Variants in WWTR1 observed in about 807,000 individuals in gnomAD.
WWTR1 encodes the protein WW domain containing transcription regulator 1.
Under a neutral mutation model 40.1 loss-of-function variants are expected in WWTR1, and 13 were observed. The ratio of observed to expected loss-of-function variants is 0.32; its 90% CI spans 0.21 to 0.52. The LOEUF (loss-of-function observed/expected upper bound fraction) is 0.52, where lower values mean the gene tolerates loss of function less well. Ranked by LOEUF, WWTR1 falls within the 20% of genes least tolerant of loss-of-function variation. The pLI is 0.97. For missense variants in WWTR1, 436 were observed against 523.1 expected (o/e 0.83, Z 1.63); for synonymous variants, 230 against 210.1 (o/e 1.09, Z -0.82).
intron 2 of WWTR1, among the ~76,000 whole-genome samples, chr3:149,589,986 T>G (rs1256807492): frequency 6.6e-6 from 1 of 152,216 alleles, no homozygotes; most frequent in Admixed American, 6.5e-5. Context: ...TAGAGAATGC[T>G]GTCACATTCT....
chr3:149,624,417 G>A (rs1156953031), intron 2 of WWTR1, among the ~76,000 whole-genome samples: 7 of 152,182 alleles, frequency 4.6e-5, no homozygotes, highest in Non-Finnish European at 1.0e-4. Flanking sequence ...GCTAGTGTGA[G>A]CTAGACCTCT....
intron 2 of WWTR1, 30 bp from the exon 3 acceptor site, chr3:149,573,030 T>A (rs763217811): frequency 6.4e-7 from 1 of 1,566,814 alleles, no homozygotes. Flanking sequence ...TAATTATCTT[T>A]TTAATTGTCA....
chr3:149,654,308 T>C (rs1441306850), intron 2 of WWTR1, among the ~76,000 whole-genome samples: 1 of 152,176 alleles, frequency 6.6e-6, no homozygotes, highest in Admixed American at 6.5e-5. Flanking sequence ...ATTTACCTAA[T>C]TCCAACTTTA....
Position 149,520,861 on chromosome 3 carries a change from A to G in WWTR1, c.1147T>C (p.Phe383Leu). 4 of 1,613,468 alleles carry G rather than the reference A, an allele frequency of 2.5e-6. No individual in the cohort carries two copies. The highest frequency in any genetic ancestry group is 2.5e-6 in the Non-Finnish European group (3 of 1,179,802). ...TLESEDLIPLFNDVESALNKS... is the reference protein window; with the variant it reads ...TLESEDLIPLLNDVESALNKS... ...TTCAGAGCAGACTCTACATCATTGA[A>G]GAGGGGGATCAGGTCTTCAGATTCC... is the stretch of plus-strand genomic sequence containing the variant. The change falls in exon 7 of 7, where the codon TTC becomes CTC. Residue 383 changes from phenylalanine (F) to leucine (L), a missense_variant. Phe to Leu is a conservative substitution (Grantham distance 22, BLOSUM62 0). Coordinates refer to ENST00000360632, the MANE Select transcript of WWTR1 (RefSeq NM_015472.6).
intron 1 of WWTR1, among the ~76,000 whole-genome samples, chr3:149,680,673 A>G (rs1409033254): frequency 6.6e-6 from 1 of 152,080 alleles, no homozygotes; most frequent in Non-Finnish European, 1.5e-5. Context: ...ATTTCTAAAA[A>G]AAAAAAAATG....
At chr3:149,576,530 C>T (rs1737888782) in intron 2 of WWTR1, among the ~76,000 whole-genome samples, 1 of 152,148 alleles carries the variant, frequency 6.6e-6, no homozygotes, top group Admixed American at 6.5e-5. Context: ...GGCTTCACTC[C>T]CTTGCTTAGT....
exon 4 of WWTR1, chr3:149,724,090 T>C (rs1169446725): frequency 6.6e-6 from 1 of 152,196 alleles, no homozygotes; most frequent in African/African-American, 2.4e-5. Flanking sequence ...ATTAGACAGA[T>C]TCTACTGGTA....
At chr3:149,643,568 G>A (rs936162246) in intron 2 of WWTR1, among the ~76,000 whole-genome samples, 3 of 152,122 alleles carry the variant, frequency 2.0e-5, no homozygotes, top group African/African-American at 4.8e-5. Context: ...GTGGTATACG[G>A]CAATAAAGTG....
intron 2 of WWTR1, among the ~76,000 whole-genome samples, chr3:149,652,142 C>G (rs1274335836): frequency 2.0e-5 from 3 of 151,640 alleles, no homozygotes; most frequent in African/African-American, 7.3e-5. Flanking sequence ...TGCGCCCGGC[C>G]TTATGGATTT....
intron 4 of WWTR1, among the ~76,000 whole-genome samples, chr3:149,721,137 T>A (rs188340182): frequency 6.6e-6 from 1 of 152,342 alleles, no homozygotes; most frequent in East Asian, 1.9e-4. Context: ...TGTCTAGCAT[T>A]TCCAATGCTA....
chr3:149,718,199 C>T (rs116000812), intron 4 of WWTR1, among the ~76,000 whole-genome samples: 1 of 152,136 alleles, frequency 6.6e-6, no homozygotes. Context: ...TGTGACCTTA[C>T]GTTCTTTTTT....
chr3:149,559,429 GTAGATAGA>G (rs928506749), intron 3 of WWTR1, among the ~76,000 whole-genome samples: 3 of 151,980 alleles, frequency 2.0e-5, no homozygotes, highest in East Asian at 1.9e-4. Context: ...AAAAAAATAT[GTAGATAGA>G]TAGATAGATG....
At chr3:149,701,444 C>G (rs186117704) in intron 1 of WWTR1, among the ~76,000 whole-genome samples, 6 of 152,190 alleles carry the variant, frequency 3.9e-5, no homozygotes. Flanking sequence ...CTGGGCTGGA[C>G]TTCCCATTCT....
chr3:149,555,456 T>C (rs1736784012), intron 3 of WWTR1, among the ~76,000 whole-genome samples: 1 of 150,348 alleles, frequency 6.7e-6, no homozygotes, highest in Non-Finnish European at 1.5e-5. Flanking sequence ...GTGGTTTAGG[T>C]GCTTTGCATT....
intron 1 of WWTR1, among the ~76,000 whole-genome samples, chr3:149,676,494 G>C (rs993478873): frequency 2.6e-5 from 4 of 151,996 alleles, no homozygotes; most frequent in African/African-American, 9.7e-5. Context: ...AATCCTTTAG[G>C]GTAGATGACC....
intron 2 of WWTR1, among the ~76,000 whole-genome samples, chr3:149,584,328 T>C (rs1030882952): frequency 6.6e-6 from 1 of 152,220 alleles, no homozygotes; most frequent in African/African-American, 2.4e-5. Flanking sequence ...TGTGAAGAGA[T>C]TTAATTCCTT....
chr3:149,648,936 A>T (rs1712685495), intron 2 of WWTR1: 2 of 152,178 alleles, frequency 1.3e-5, no homozygotes, highest in Admixed American at 1.3e-4. Context: ...TTCTTCTTTT[A>T]GGACATACTC....
At chr3:149,532,283 AC>A (rs1735619623) in intron 4 of WWTR1, among the ~76,000 whole-genome samples, 2 of 152,240 alleles carry the variant, frequency 1.3e-5, no homozygotes, top group South Asian at 4.1e-4. Context: ...CTCAAAAAAA[AC>A]AAAATAAACA....
At chr3:149,630,851 T>G (rs1180325288) in intron 2 of WWTR1, among the ~76,000 whole-genome samples, 4 of 152,250 alleles carry the variant, frequency 2.6e-5, no homozygotes, top group African/African-American at 9.6e-5. Context: ...TGCATTTAGA[T>G]GTAGCAAACT....
Sources: gnomAD v4.1 joint callset for allele counts (sites outside exome capture counted in the v4.1 genomes callset) on GRCh38, gnomAD v4.1.1 for gene constraint, MANE v1.5 for transcripts, NCBI Gene and HGNC (gene_info 2026-07-23, HGNC 2026-07-21) for gene names.